Variants in CAP2 observed in about 807,000 individuals in gnomAD.
CAP2 encodes cyclase associated actin cytoskeleton regulatory protein 2, also known as adenylyl cyclase-associated protein 2.
Under a neutral mutation model 57.7 loss-of-function variants are expected in CAP2, and 24 were observed. The observed-to-expected ratio is 0.42, with a 90% CI of 0.30 to 0.58. CAP2 has a LOEUF of 0.58. Ranked by LOEUF, CAP2 falls within the 20% of genes least tolerant of loss-of-function variation. CAP2 has a pLI of 0.22. For synonymous variants in CAP2, 194 were observed against 207.2 expected (o/e 0.94, Z 0.55); for missense variants, 501 against 590.3 (o/e 0.85, Z 1.57).
intron 4 of CAP2, among the ~76,000 whole-genome samples, chr6:17,469,390 C>CTG (rs150257695): frequency 6.6e-5 from 10 of 151,678 alleles, no homozygotes; most frequent in African/African-American, 9.7e-5. Context: ...GAAATGATCT[C>CTG]TGTGTGTGTG....
chr6:17,407,778 C>CAA (rs60480016), intron 1 of CAP2, among the ~76,000 whole-genome samples: 32 of 69,296 alleles, frequency 4.6e-4, no homozygotes, highest in East Asian at 8.9e-4. Flanking sequence ...GACTCGGTCT[C>CAA]AAAAAAAAAA....
chr6:17,467,303 G>T (rs896021528), intron 4 of CAP2, among the ~76,000 whole-genome samples: 12 of 152,166 alleles, frequency 7.9e-5, no homozygotes, highest in South Asian at 2.1e-4. Flanking sequence ...CACAGCAATA[G>T]AAAACTAATA....
intron 4 of CAP2, among the ~76,000 whole-genome samples, chr6:17,470,714 C>T (rs1186180203): frequency 6.6e-6 from 1 of 152,202 alleles, no homozygotes; most frequent in Non-Finnish European, 1.5e-5. Context: ...TTTAACCCAC[C>T]TCTATGCCTG....
chr6:17,421,487 T>C (rs1581503376), intron 1 of CAP2, 68 bp from the exon 2 acceptor site: 9 of 1,544,528 alleles, frequency 5.8e-6, no homozygotes, highest in Non-Finnish European at 8.1e-6. Context: ...TTGTTGAGAC[T>C]GATGGTGTTG....
chr6:17,398,588 G>A (rs868547814), intron 1 of CAP2, among the ~76,000 whole-genome samples: 1 of 149,142 alleles, frequency 6.7e-6, no homozygotes, highest in African/African-American at 2.5e-5. Flanking sequence ...GCAGTGGCAC[G>A]ATCTCCTCTC....
rs116770581 is a variant in CAP2 at position 17,399,178 on chromosome 6, C to T, written c.-2+5432C>T. Reference sequence around the variant, plus strand: ...TCCCAGGTTCAAGTGATTCTCGTGCCTCAGCCTTCCCAGTGCTGGGATTAC... The same window carrying T: ...TCCCAGGTTCAAGTGATTCTCGTGCTTCAGCCTTCCCAGTGCTGGGATTAC... On this transcript the variant is annotated intron_variant, in intron 1 of 12. Coordinates refer to ENST00000229922, the MANE Select transcript of CAP2 (RefSeq NM_006366.3). 8.8e-3 allele frequency among the ~76,000 whole-genome samples: 1,348 copies of T among 152,344 alleles called. 22 individuals are homozygous for T. The highest frequency in any genetic ancestry group is 0.031 in the African/African-American group (1,282 of 41,580).
In CAP2 at chr6:17,450,503, C is replaced by G. The variant is rs1760375828; in HGVS notation, c.223-12493C>G. Among the ~76,000 whole-genome samples, 3 of 152,266 alleles carry G rather than the reference C, an allele frequency of 2.0e-5. No homozygotes were observed. The South Asian group carries it at 6.2e-4, about 32-fold the overall frequency. The stretch of plus-strand genomic sequence containing the variant: ...CAGCTGAAATGTATGATAGAAGATT[C>G]TAGGTCTGGATGTAGAAAAGACACA... On this transcript the variant is annotated intron_variant, in intron 3 of 12. Coordinates refer to ENST00000229922, the MANE Select transcript of CAP2 (RefSeq NM_006366.3).
chr6:17,434,874 A>G (rs1759830661), intron 3 of CAP2, among the ~76,000 whole-genome samples: 1 of 150,966 alleles, frequency 6.6e-6, no homozygotes, highest in African/African-American at 2.4e-5. Context: ...GGCGAAGGAC[A>G]TGAACAGACA....
At chr6:17,468,481 A>G (rs1270320275) in intron 4 of CAP2, among the ~76,000 whole-genome samples, 1 of 152,210 alleles carries the variant, frequency 6.6e-6, no homozygotes, top group African/African-American at 2.4e-5. Flanking sequence ...CACTGAACTG[A>G]TCTTAAGATG....
intron 3 of CAP2, among the ~76,000 whole-genome samples, chr6:17,431,487 G>A (rs927260512): frequency 6.6e-6 from 1 of 152,098 alleles, no homozygotes; most frequent in Non-Finnish European, 1.5e-5. Context: ...TATAAAGGAT[G>A]AACATGATCA....
chr6:17,453,764 T>C (rs550486165), intron 3 of CAP2, among the ~76,000 whole-genome samples: 19 of 152,224 alleles, frequency 1.2e-4, no homozygotes, highest in Admixed American at 2.6e-4. Context: ...TAGACCCAAC[T>C]CTAATCCTAC....
At chr6:17,487,892 C>T (rs2113631164) in intron 4 of CAP2, among the ~76,000 whole-genome samples, 1 of 152,308 alleles carries the variant, frequency 6.6e-6, no homozygotes, top group Non-Finnish European at 1.5e-5. Flanking sequence ...GATCCTCCCA[C>T]CTCAGCCTGC....
intron 4 of CAP2, among the ~76,000 whole-genome samples, chr6:17,497,930 A>G (rs1046516450): frequency 2.0e-5 from 3 of 152,220 alleles, no homozygotes; most frequent in African/African-American, 7.2e-5. Flanking sequence ...CTGGTGTGGC[A>G]TTAAGATTCA....
chr6:17,543,829 A>C (rs1762970445), intron 11 of CAP2, among the ~76,000 whole-genome samples: 1 of 151,858 alleles, frequency 6.6e-6, no homozygotes, highest in Admixed American at 6.6e-5. Flanking sequence ...TCTCAATTTC[A>C]AGTACAGCTA....
At chr6:17,549,432 C>A (rs1308066323) in intron 11 of CAP2, among the ~76,000 whole-genome samples, 4 of 151,906 alleles carry the variant, frequency 2.6e-5, no homozygotes, top group Admixed American at 2.6e-4. Context: ...CCATTGTACT[C>A]CAGCCTGGGC....
intron 3 of CAP2, among the ~76,000 whole-genome samples, chr6:17,442,712 AC>A (rs1760122347): frequency 1.6e-5 from 2 of 123,240 alleles, no homozygotes; most frequent in Admixed American, 1.7e-4. Context: ...ATATAGTGAG[AC>A]CCCATCACTA....
intron 1 of CAP2, among the ~76,000 whole-genome samples, chr6:17,411,663 GT>G (rs199994989): frequency 6.6e-6 from 1 of 152,160 alleles, no homozygotes; most frequent in Non-Finnish European, 1.5e-5. Context: ...GAGTGTAAAA[GT>G]TTTTTTATAT....
At chr6:17,414,314 A>G (rs1261170667) in intron 1 of CAP2, among the ~76,000 whole-genome samples, 3 of 151,574 alleles carry the variant, frequency 2.0e-5, no homozygotes, top group Non-Finnish European at 2.9e-5. Context: ...AATGGGATAC[A>G]TGTGCAGAAC....
At chr6:17,501,266 A>G (rs964316220) in intron 4 of CAP2, among the ~76,000 whole-genome samples, 57 of 152,330 alleles carry the variant, frequency 3.7e-4, no homozygotes, top group African/African-American at 1.3e-3. Flanking sequence ...TATCTCCAGT[A>G]ATTACATCTA....
Sources: allele counts gnomAD v4.1 joint callset (sites outside exome capture counted in the v4.1 genomes callset), GRCh38; gene constraint gnomAD v4.1.1; transcripts MANE v1.5; gene names NCBI Gene and HGNC (gene_info 2026-07-23, HGNC 2026-07-21).